The following ATP9B variants were observed in gnomAD, a reference collection of about 807,000 sequenced individuals.
ATP9B encodes probable phospholipid-transporting ATPase IIB.
ATP9B carries 110 observed loss-of-function variants against 146.1 expected under a neutral mutation model. The observed-to-expected ratio is 0.75, with a 90% confidence interval of 0.65 to 0.88. The LOEUF is 0.88. Ranked by LOEUF, ATP9B falls within the 40% of genes least tolerant of loss-of-function variation. ATP9B has a pLI of 0.00. For synonymous variants in ATP9B, 604 were observed against 569.7 expected, an observed-to-expected ratio of 1.06 and a Z score of -0.86; for missense variants, 1,499 against 1,496.4, an observed-to-expected ratio of 1.00 and a Z score of -0.03.
chr18:79,149,694 C>T (rs1041666794), intron 6 of ATP9B, among the ~76,000 whole-genome samples: 96 of 150,644 alleles, frequency 6.4e-4, no homozygotes, highest in Admixed American at 2.8e-3. Flanking sequence ...TATATAAAAA[C>T]TCCTAAAACT....
chr18:79,319,444 AC>A (rs1009957202), intron 15 of ATP9B, among the ~76,000 whole-genome samples: 2 of 151,864 alleles, frequency 1.3e-5, no homozygotes, highest in African/African-American at 4.8e-5. Flanking sequence ...TAGGGAGGGA[AC>A]ACTGAACAGT....
At chr18:79,363,359 C>T (rs1335123854) in intron 26 of ATP9B, 8 of 152,274 alleles carry the variant, frequency 5.3e-5, no homozygotes, top group South Asian at 4.1e-4. Flanking sequence ...CTGTAAAAGG[C>T]GTAAACAGAT....
At chr18:79,359,286 A>G in intron 25 of ATP9B, 68 bp from the exon 26 acceptor site, 1 of 1,222,658 alleles carries the variant, frequency 8.2e-7, no homozygotes, top group Non-Finnish European at 1.2e-6. Flanking sequence ...CCTCTAATCC[A>G]GAGGTCTGTT....
intron 2 of ATP9B, among the ~76,000 whole-genome samples, chr18:79,102,860 C>T (rs1367338497): frequency 3.3e-5 from 5 of 152,158 alleles, no homozygotes; most frequent in Admixed American, 1.3e-4. Context: ...AGATTTACTC[C>T]TAAGTGTTTA....
In ATP9B at chr18:79,206,797, A is replaced by G. The variant is rs536866804; in HGVS notation, c.955-140A>G. The G allele has an allele frequency of 1.1e-3, 728 of 653,698 alleles. 18 individuals carry two copies. The South Asian group carries it at 0.016, about 14-fold the overall frequency. The allele number at this position is 653,698 out of a possible 1,614,324, so 40.5% of individuals were successfully genotyped here. On this transcript the variant is annotated intron_variant, in intron 9 of 29. Coordinates refer to ENST00000426216, the MANE Select transcript of ATP9B (RefSeq NM_198531.5). The stretch of plus-strand genomic sequence containing the variant: ...CAATTTTTTATAGTCCCTTTTTTCT[A>G]ACGTCTGTTTTGCAGTGCCTTTGCA...
At chr18:79,071,042 C>A (rs1274533182) in intron 1 of ATP9B, among the ~76,000 whole-genome samples, 1 of 111,632 alleles carries the variant, frequency 9.0e-6, no homozygotes, top group Non-Finnish European at 1.8e-5. Context: ...CATTCTGATT[C>A]CTGTTTCTTT....
At chr18:79,237,382 C>A (rs1170742825) in intron 11 of ATP9B, among the ~76,000 whole-genome samples, 1 of 152,196 alleles carries the variant, frequency 6.6e-6, no homozygotes, top group African/African-American at 2.4e-5. Context: ...CTGCCCCTTC[C>A]CCACTGTGTA....
intron 15 of ATP9B, among the ~76,000 whole-genome samples, chr18:79,320,878 G>C (rs2096712082): frequency 6.6e-6 from 1 of 151,970 alleles, no homozygotes; most frequent in African/African-American, 2.4e-5. Flanking sequence ...CTGGGAGGGA[G>C]CTTACACACT....
At chr18:79,213,155 C>T (rs2095599017) in intron 10 of ATP9B, among the ~76,000 whole-genome samples, 1 of 152,068 alleles carries the variant, frequency 6.6e-6, no homozygotes, top group Non-Finnish European at 1.5e-5. Context: ...GGTAATTGCA[C>T]ATTATGTGTA....
intron 10 of ATP9B, among the ~76,000 whole-genome samples, chr18:79,210,992 G>GT (rs1445565141): frequency 6.6e-6 from 1 of 152,126 alleles, no homozygotes; most frequent in African/African-American, 2.4e-5. Flanking sequence ...TATATTTTGT[G>GT]TTTTTAAATA....
Position 79,280,006 on chromosome 18 carries a change from C to T in ATP9B, c.1411+2810C>T, listed in dbSNP as rs948537497. Among the ~76,000 whole-genome samples the T allele has an allele frequency of 1.8e-4, 27 of 152,326 alleles. 1 individual carries two copies. The highest frequency in any genetic ancestry group is 2.4e-5 in the African/African-American group (1 of 41,580). ...CCCTACAGAAATGTTTGCACATCTA[C>T]ACCAGAAGACATGCATAAGAGTATT... On this transcript the variant is annotated intron_variant, in intron 13 of 29. Transcript: ENST00000426216.
At chr18:79,141,485 T>C (rs1238748806) in intron 5 of ATP9B, among the ~76,000 whole-genome samples, 1 of 152,120 alleles carries the variant, frequency 6.6e-6, no homozygotes, top group African/African-American at 2.4e-5. Flanking sequence ...GATAGTATAT[T>C]GAATAGGATA....
intron 13 of ATP9B, among the ~76,000 whole-genome samples, chr18:79,297,251 CGACCCAGAGAGAAGACAGAGAGAT>C (rs1465768766): frequency 1.2e-4 from 17 of 140,148 alleles, no homozygotes; most frequent in Non-Finnish European, 2.3e-4. Flanking sequence ...GAGACGCAGA[CGACCCAGAGAGAAGACAGAGAGAT>C]GACCCAGAGA....
chr18:79,146,282 G>T (rs1196419710), intron 6 of ATP9B: 17 of 146,598 alleles, frequency 1.2e-4, no homozygotes, highest in African/African-American at 6.0e-4. Context: ...GGGGGAGCTG[G>T]CGGTGTGCAC....
At chr18:79,250,737 A>G (rs186846471) in intron 11 of ATP9B, among the ~76,000 whole-genome samples, 31 of 152,360 alleles carry the variant, frequency 2.0e-4, no homozygotes, top group Non-Finnish European at 2.9e-4. Context: ...TCTCAAGGGA[A>G]GGCACAGCCC....
At chr18:79,349,011 C>T (rs2096907799) in intron 25 of ATP9B, among the ~76,000 whole-genome samples, 3 of 152,200 alleles carry the variant, frequency 2.0e-5, no homozygotes, top group Non-Finnish European at 2.9e-5. Context: ...GCAGCAGTGT[C>T]TTAGAAAAGG....
chr18:79,345,911 C>T, intron 23 of ATP9B, 72 bp downstream of exon 23: 1 of 1,511,410 alleles, frequency 6.6e-7, no homozygotes. Context: ...ACATGCTGGG[C>T]CACTGTACAC....
At chr18:79,198,523 C>T (rs1016895259) in intron 9 of ATP9B, among the ~76,000 whole-genome samples, 11 of 152,238 alleles carry the variant, frequency 7.2e-5, no homozygotes, top group East Asian at 5.8e-4. Context: ...TAGACCATTT[C>T]GTCATTGTGC....
chr18:79,129,922 T>C (rs2094349992), intron 5 of ATP9B, among the ~76,000 whole-genome samples: 1 of 152,080 alleles, frequency 6.6e-6, no homozygotes, highest in African/African-American at 2.4e-5. Context: ...TTTTGTATTT[T>C]GTAGAGATGG....
Sources: allele counts gnomAD v4.1 joint callset (sites outside exome capture counted in the v4.1 genomes callset), GRCh38; gene constraint gnomAD v4.1.1; transcripts MANE v1.5; gene names NCBI Gene and HGNC (gene_info 2026-07-23, HGNC 2026-07-21).